HSD17B12: variants seen among roughly 807,000 people sequenced by gnomAD.
The protein encoded by HSD17B12 is hydroxysteroid 17-beta dehydrogenase 12, also known as very-long-chain 3-oxoacyl-CoA reductase.
A neutral mutation model predicts 39.3 loss-of-function variants in HSD17B12; 32 were observed. The observed-to-expected ratio is 0.81, with a 90% CI of 0.61 to 1.09. The LOEUF (loss-of-function observed/expected upper bound fraction) is 1.09. Among genes scored for constraint, HSD17B12 ranks in the 50% least tolerant of loss-of-function variants. The probability of loss-of-function intolerance (pLI) is 0.00; values close to 1 mark genes in which losing one functional copy is unlikely to be tolerated. For synonymous variants in HSD17B12, 150 were observed against 146.7 expected (o/e 1.02, Z -0.16); for missense variants, 342 against 382.9 (o/e 0.89, Z 0.89).
the HSD17B12 span, among the ~76,000 whole-genome samples, chr11:43,612,435 A>G: frequency 6.6e-6 from 1 of 152,190 alleles, no homozygotes; most frequent in Non-Finnish European, 1.5e-5. Context: ...CCAACCCAGG[A>G]GCAGCCTGGT....
chr11:43,568,806 T>C, the HSD17B12 span, among the ~76,000 whole-genome samples: 1 of 152,236 alleles, frequency 6.6e-6, no homozygotes, highest in African/African-American at 2.4e-5. Flanking sequence ...TTACATAAAA[T>C]AAAGACTGTG....
chr11:43,718,832 C>T lies in HSD17B12; in HGVS notation c.161-32079C>T, dbSNP rs61748349. Reference sequence around the variant, plus strand: ...CGCCTTCTGGTGGCCCAAGACACCACGACTCCGGAAGCAGCCCAAATATCC... The same window carrying T: ...CGCCTTCTGGTGGCCCAAGACACCATGACTCCGGAAGCAGCCCAAATATCC... On this transcript the variant is annotated intron_variant, in intron 1 of 10. Coordinates refer to ENST00000278353, the MANE Select transcript of HSD17B12 (RefSeq NM_016142.3). 2,600 of 875,294 alleles carry T rather than the reference C, an allele frequency of 3.0e-3. 44 individuals are homozygous for T. In the African/African-American group the frequency reaches 0.039, roughly 13 times the overall value. The allele number at this position is 875,294 out of a possible 1,614,324, so 54.2% of individuals were successfully genotyped here. A position where few individuals can be genotyped will look rare whatever the true frequency, so the allele number is the denominator to read the frequency against.
At chr11:43,680,618 A>G (rs1949732007), upstream of HSD17B12, 2 of 580,066 alleles carry the variant, frequency 3.4e-6, no homozygotes, top group Non-Finnish European at 6.2e-6. Context: ...GTGGAACTGG[A>G]GTCAGCTAAT....
intron 1 of HSD17B12, among the ~76,000 whole-genome samples, chr11:43,746,193 T>G (rs916040596): frequency 6.6e-6 from 1 of 152,202 alleles, no homozygotes; most frequent in African/African-American, 2.4e-5. Flanking sequence ...CTGAATTTAT[T>G]TAAAAATTTT....
intron 1 of HSD17B12, among the ~76,000 whole-genome samples, chr11:43,692,802 A>G (rs532403029): frequency 6.6e-6 from 1 of 152,272 alleles, no homozygotes; most frequent in African/African-American, 2.4e-5. Flanking sequence ...AAGACTCTGG[A>G]CCAAATTCCC....
chr11:43,592,967 A>G, the HSD17B12 span, among the ~76,000 whole-genome samples: 21 of 152,282 alleles, frequency 1.4e-4, no homozygotes, highest in Middle Eastern at 0.01. Context: ...GTTACCAGCT[A>G]GGAAGTAACT....
intron 4 of HSD17B12, among the ~76,000 whole-genome samples, chr11:43,807,805 G>A (rs1251938060): frequency 3.9e-5 from 6 of 152,142 alleles, no homozygotes; most frequent in African/African-American, 9.6e-5. Context: ...GGTCCTCATC[G>A]GAGGTCTTGA....
chr11:43,718,600 A>C, intron 1 of HSD17B12: 1 of 569,746 alleles, frequency 1.8e-6, no homozygotes, highest in Admixed American at 2.8e-5. Flanking sequence ...AGCAATTTTG[A>C]AATTCATCTG....
chr11:43,658,722 A>G, the HSD17B12 span, among the ~76,000 whole-genome samples: 1 of 152,172 alleles, frequency 6.6e-6, no homozygotes. Context: ...TGGGTGAACC[A>G]CAAATGCTGC....
At chr11:43,576,247 T>C in the HSD17B12 span, among the ~76,000 whole-genome samples, 1 of 152,146 alleles carries the variant, frequency 6.6e-6, no homozygotes, top group Non-Finnish European at 1.5e-5. Context: ...TTGAAAAACA[T>C]TTTCTGCAGT....
chr11:43,604,807 A>G, the HSD17B12 span, among the ~76,000 whole-genome samples: 1,287 of 152,314 alleles, frequency 8.4e-3, 18 homozygotes, highest in African/African-American at 0.03. Flanking sequence ...TAAAATTGAC[A>G]AATTTTTCAA....
At chr11:43,636,189 T>G in the HSD17B12 span, among the ~76,000 whole-genome samples, 2 of 152,260 alleles carry the variant, frequency 1.3e-5, no homozygotes, top group Non-Finnish European at 2.9e-5. Flanking sequence ...CATTTTAAAG[T>G]AGCAAGCCTC....
At chr11:43,632,596 A>G in the HSD17B12 span, among the ~76,000 whole-genome samples, 1 of 152,180 alleles carries the variant, frequency 6.6e-6, no homozygotes, top group African/African-American at 2.4e-5. Context: ...CAACAAACTA[A>G]CTTATTTATT....
intron 3 of HSD17B12, among the ~76,000 whole-genome samples, chr11:43,760,720 T>C (rs1950548988): frequency 6.6e-6 from 1 of 152,214 alleles, no homozygotes; most frequent in Non-Finnish European, 1.5e-5. Context: ...TGCCTTGTTA[T>C]ATTTAGCTTG....
At chr11:43,785,332 A>T (rs1434388011) in intron 3 of HSD17B12, among the ~76,000 whole-genome samples, 2 of 152,338 alleles carry the variant, frequency 1.3e-5, no homozygotes, top group Admixed American at 1.3e-4. Flanking sequence ...AGAGGTCCTT[A>T]CCTGGGAAAA....
Position 43,717,646 on chromosome 11 carries a change from C to T in HSD17B12, c.161-33265C>T, listed in dbSNP as rs114092313. 9.3e-3 allele frequency among the ~76,000 whole-genome samples: 1,411 copies of T among 152,218 alleles called. 17 individuals are homozygous for T. The highest frequency in any genetic ancestry group is 0.033 in the African/African-American group (1,378 of 41,534). ...ATACTAGTTGTTACCAAGGAAGCCTCAGTTTTCTTCCATGTGGTCTCTCAT... is the reference window on the plus strand; with the variant it reads ...ATACTAGTTGTTACCAAGGAAGCCTTAGTTTTCTTCCATGTGGTCTCTCAT... On this transcript the variant is annotated intron_variant, in intron 1 of 10. Coordinates refer to ENST00000278353, the MANE Select transcript of HSD17B12 (RefSeq NM_016142.3).
At chr11:43,616,136 G>C in the HSD17B12 span, among the ~76,000 whole-genome samples, 3 of 152,172 alleles carry the variant, frequency 2.0e-5, no homozygotes, top group Non-Finnish European at 4.4e-5. Flanking sequence ...GGCTGGGCAT[G>C]GTGGCTCACA....
intron 6 of HSD17B12, among the ~76,000 whole-genome samples, chr11:43,818,256 T>A (rs895271521): frequency 6.6e-6 from 1 of 152,142 alleles, no homozygotes; most frequent in African/African-American, 2.4e-5. Flanking sequence ...TATGGAAGTA[T>A]AAAGCAATGG....
chr11:43,643,008 G>A, the HSD17B12 span, among the ~76,000 whole-genome samples: 1 of 151,992 alleles, frequency 6.6e-6, no homozygotes, highest in Non-Finnish European at 1.5e-5. Context: ...TGTGTATTAG[G>A]ATTTCTGAGT....
Sources: allele counts gnomAD v4.1 joint callset (sites outside exome capture counted in the v4.1 genomes callset), GRCh38; gene constraint gnomAD v4.1.1; transcripts MANE v1.5; gene names NCBI Gene and HGNC (gene_info 2026-07-23, HGNC 2026-07-21).